The following CAMTA1 variants were observed in gnomAD, a reference collection of about 807,000 sequenced individuals.
CAMTA1 encodes the protein calmodulin-binding transcription activator 1.
Under a neutral mutation model 170.9 loss-of-function variants are expected in CAMTA1, and 27 were observed. That is an observed-to-expected ratio of 0.16 (90% CI 0.12 to 0.22). CAMTA1 has a LOEUF of 0.22. CAMTA1 is among the 10% of genes least tolerant of loss of function. The pLI, the probability that CAMTA1 is intolerant of heterozygous loss-of-function variation, is 1.00. For synonymous variants in CAMTA1, 833 were observed against 891.5 expected (o/e 0.93, Z 1.17); for missense variants, 1,619 against 2,217.2 (o/e 0.73, Z 5.42).
chr1:7,586,834 G>A (rs1319656798), intron 6 of CAMTA1, among the ~76,000 whole-genome samples: 1 of 152,078 alleles, frequency 6.6e-6, no homozygotes, highest in Non-Finnish European at 1.5e-5. Context: ...CACGGTGGCT[G>A]CGGTGGAACT....
chr1:7,198,178 A>G (rs1304171170), intron 4 of CAMTA1, among the ~76,000 whole-genome samples: 1 of 151,950 alleles, frequency 6.6e-6, no homozygotes, highest in Non-Finnish European at 1.5e-5. Context: ...TTTCTCTTGC[A>G]TAAAAGGTTG....
chr1:7,700,816 A>G (rs890491554), intron 11 of CAMTA1: 12 of 152,348 alleles, frequency 7.9e-5, no homozygotes, highest in African/African-American at 2.9e-4. Flanking sequence ...AGGGATAGCA[A>G]CCAGAGATAT....
Position 7,646,293 on chromosome 1 carries a change from CGGTGAGTTGGGTGGAGGCCCT to C in CAMTA1, c.664+5760_664+5780del, listed in dbSNP as rs1198799294. On this transcript the variant is annotated intron_variant, in intron 7 of 22. Transcript: ENST00000303635. ...CCATAGTGAGTGTGGTTGGAGGCCA[CGGTGAGTTGGGTGGAGGCCCT>C]GGTGAGTTGGGTGGAGGCCACGGTG... 2.0e-4 allele frequency among the ~76,000 whole-genome samples: 20 copies of C among 101,236 alleles called. 1 individual carries two copies. The highest frequency in any genetic ancestry group is 5.5e-4 in the African/African-American group (14 of 25,332). The allele number at this position is 101,236 out of a possible 152,430, so 66.4% of individuals were successfully genotyped here. A position where few individuals can be genotyped will look rare whatever the true frequency, so the allele number is the denominator to read the frequency against.
At chr1:7,018,434 A>G (rs1015265194) in intron 3 of CAMTA1, among the ~76,000 whole-genome samples, 2 of 152,122 alleles carry the variant, frequency 1.3e-5, no homozygotes, top group Admixed American at 6.5e-5. Context: ...CCATTTTGCC[A>G]TCATCTTTAC....
chr1:7,765,297 C>G (rs759270779), intron 22 of CAMTA1, among the ~76,000 whole-genome samples: 12 of 152,300 alleles, frequency 7.9e-5, no homozygotes, highest in African/African-American at 2.9e-4. Flanking sequence ...AATACTCTTA[C>G]AGCAGACAGC....
At chr1:7,454,852 C>G (rs1185153661) in intron 5 of CAMTA1, among the ~76,000 whole-genome samples, 2 of 152,062 alleles carry the variant, frequency 1.3e-5, no homozygotes, top group Non-Finnish European at 2.9e-5. Context: ...CTCCTCTGCC[C>G]GAGATCCCAG....
At chr1:7,446,080 G>A (rs578228242) in intron 5 of CAMTA1, among the ~76,000 whole-genome samples, 4 of 151,822 alleles carry the variant, frequency 2.6e-5, no homozygotes, top group African/African-American at 9.7e-5. Context: ...CCATCCCGGT[G>A]CATCCTCCGC....
intron 4 of CAMTA1, among the ~76,000 whole-genome samples, chr1:7,107,990 G>A (rs1210371050): frequency 1.3e-5 from 2 of 152,078 alleles, no homozygotes; most frequent in African/African-American, 4.8e-5. Context: ...CCACCCCCTC[G>A]CTCAGTCCCC....
intron 6 of CAMTA1, among the ~76,000 whole-genome samples, chr1:7,552,587 C>T (rs2094817890): frequency 6.6e-6 from 1 of 152,238 alleles, no homozygotes; most frequent in African/African-American, 2.4e-5. Flanking sequence ...GGGCTTCAGG[C>T]CGCAGCCACT....
At chr1:6,841,862 G>C (rs553759747) in intron 3 of CAMTA1, among the ~76,000 whole-genome samples, 1 of 152,150 alleles carries the variant, frequency 6.6e-6, no homozygotes, top group African/African-American at 2.4e-5. Context: ...TGTTGCTTGC[G>C]CCTGGGTCAG....
At chr1:7,226,960 G>C (rs1377263631) in intron 4 of CAMTA1, among the ~76,000 whole-genome samples, 1 of 152,108 alleles carries the variant, frequency 6.6e-6, no homozygotes, top group Non-Finnish European at 1.5e-5. Context: ...AGCCTCCTGA[G>C]TAGCTGGGAC....
chr1:6,997,355 T>C (rs1005158980), intron 3 of CAMTA1, among the ~76,000 whole-genome samples: 1 of 152,188 alleles, frequency 6.6e-6, no homozygotes, highest in African/African-American at 2.4e-5. Context: ...TTTGCAGCCC[T>C]GTCAGATGTT....
At chr1:7,675,043 G>A (rs2096101575) in intron 10 of CAMTA1, among the ~76,000 whole-genome samples, 1 of 152,166 alleles carries the variant, frequency 6.6e-6, no homozygotes, top group African/African-American at 2.4e-5. Flanking sequence ...TGGTAATAAG[G>A]TCACCTGGGA....
At chr1:7,011,274 G>A (rs1699739882) in intron 3 of CAMTA1, among the ~76,000 whole-genome samples, 1 of 152,042 alleles carries the variant, frequency 6.6e-6, no homozygotes, top group Non-Finnish European at 1.5e-5. Context: ...CTGTGATCTC[G>A]GCTCACTGCA....
chr1:7,239,212 T>C (rs1558292856), intron 4 of CAMTA1, among the ~76,000 whole-genome samples: 1 of 152,216 alleles, frequency 6.6e-6, no homozygotes, highest in Non-Finnish European at 1.5e-5. Context: ...TTTAAAAAAA[T>C]ACTTCTGCAC....
chr1:7,359,957 T>C (rs930870468), intron 5 of CAMTA1, among the ~76,000 whole-genome samples: 3 of 152,154 alleles, frequency 2.0e-5, no homozygotes, highest in Non-Finnish European at 4.4e-5. Flanking sequence ...TGGGCAGGGC[T>C]GGTTTCTTCT....
In CAMTA1 at chr1:6,825,113, G is replaced by A. The variant is rs1646961657; in HGVS notation, c.137G>A (p.Ser46Asn). ...PIEDDHGNSN[S>N]SHVKIFLPKK... is the part of the protein sequence containing the mutation. ...GTAGATGATCATGGGAACAGCAATA[G>A]TAGTCATGTAAAAATCTTTTTACCG... is the stretch of plus-strand genomic sequence containing the variant. Residue 46 changes from serine to asparagine, a missense_variant, in exon 3 of 23, where the codon AGT (serine) becomes AAT (asparagine). Transcript: ENST00000303635. The A allele has an allele frequency of 6.3e-7, 1 of 1,597,582 alleles. No individual in the cohort carries two copies. Among genetic ancestry groups the A allele is most frequent in the Non-Finnish European group, 8.6e-7 (1 of 1,168,988 alleles).
chr1:7,533,301 C>T (rs2094512709), intron 6 of CAMTA1, among the ~76,000 whole-genome samples: 1 of 152,194 alleles, frequency 6.6e-6, no homozygotes, highest in African/African-American at 2.4e-5. Flanking sequence ...CCTCTGCAGG[C>T]AGCTGACAGA....
rs965933724 is a variant in CAMTA1, at chr1:7,455,987, G to A, written c.439-11843G>A. The stretch of plus-strand genomic sequence containing the variant: ...CCTTACCAAGGCTCAGGGTCCCACC[G>A]TTGGTCATCCCTGAGGCTGAAATAC... On this transcript the variant is annotated intron_variant, in intron 5 of 22. Transcript: ENST00000303635. The surrounding 1 kb of genome is among the most constrained non-coding windows in gnomAD (Gnocchi z 5.0). 6.6e-6 allele frequency among the ~76,000 whole-genome samples: 1 copy of A among 152,186 alleles called. No homozygotes were observed. The highest frequency in any genetic ancestry group is 1.5e-5 in the Non-Finnish European group (1 of 68,044).
Sources: allele counts gnomAD v4.1 joint callset (sites outside exome capture counted in the v4.1 genomes callset), GRCh38; gene constraint gnomAD v4.1.1; non-coding constraint Gnocchi (gnomAD v3.1); transcripts MANE v1.5; gene names NCBI Gene and HGNC (gene_info 2026-07-23, HGNC 2026-07-21).